The following USP40 variants were observed in gnomAD, a reference collection of about 807,000 sequenced individuals.
USP40 encodes ubiquitin specific peptidase 40.
USP40 carries 143 observed loss-of-function variants against 166.2 expected under a neutral mutation model. The ratio of observed to expected loss-of-function variants is 0.86; its 90% confidence interval spans 0.75 to 0.99. The LOEUF (loss-of-function observed/expected upper bound fraction) is 0.99. USP40 is among the 50% of genes least tolerant of loss of function. The pLI is 0.00. For missense variants in USP40, 1,444 were observed against 1,479.7 expected (o/e 0.98, Z 0.40); for synonymous variants, 498 against 524.0 (o/e 0.95, Z 0.68).
rs1385470872 is a variant in USP40, at chr2:233,556,739, A to G, written c.546+116T>C. ...TGTAGTTAGAAGAAAAAAAAACTCA[A>G]TAAATTACTTTTAGTAATAAACACT... On this transcript the variant is annotated intron_variant, in intron 5 of 31. Transcript: ENST00000678225. 8 of 1,024,624 alleles carry G rather than the reference A, an allele frequency of 7.8e-6. 1 individual carries two copies. Among genetic ancestry groups the G allele is most frequent in the South Asian group, 5.8e-5 (2 of 34,560 alleles). The allele number at this position is 1,024,624 out of a possible 1,614,324, so 63.5% of individuals were successfully genotyped here.
At position 233,493,304 on chromosome 2, in the gene USP40, G is replaced by C; in HGVS notation, c.2917+121C>G. On this transcript the variant is annotated intron_variant, in intron 25 of 31. Coordinates refer to ENST00000678225, the MANE Select transcript of USP40 (RefSeq NM_001365479.2). This position sits in a 1 kb window ranked among gnomAD's most constrained non-coding sequence, Gnocchi z 4.7. ...CTGGAATGACTTATGAAATTAATAG[G>C]TCTTGATTTTCAAGATCTTACGTTT... 1 of 1,349,920 alleles carries C rather than the reference G, an allele frequency of 7.4e-7. No individual in the cohort carries two copies. The highest frequency in any genetic ancestry group is 1.0e-6 in the Non-Finnish European group (1 of 973,898). The allele number at this position is 1,349,920 out of a possible 1,614,324, so 83.6% of individuals were successfully genotyped here. A position where few individuals can be genotyped will look rare whatever the true frequency, so the allele number is the denominator to read the frequency against.
chr2:233,516,480 G>C (rs993212489), intron 18 of USP40, among the ~76,000 whole-genome samples: 1 of 152,002 alleles, frequency 6.6e-6, no homozygotes, highest in African/African-American at 2.4e-5. Context: ...GGCGGATCAC[G>C]AGGTCAGCAG....
At chr2:233,529,672 T>C (rs1431176537) in intron 11 of USP40, among the ~76,000 whole-genome samples, 160 bp from the exon 12 acceptor site, 2 of 152,146 alleles carry the variant, frequency 1.3e-5, no homozygotes, top group South Asian at 2.1e-4. Flanking sequence ...TTTTCCCATC[T>C]GAAAAATGAA....
At chr2:233,479,629 G>A (rs918376838) in intron 31 of USP40, among the ~76,000 whole-genome samples, 14 of 62,590 alleles carry the variant, frequency 2.2e-4, no homozygotes, top group Admixed American at 1.9e-3. Context: ...AGAATTTTAC[G>A]TGTGTGTGTG....
rs773921869 is a variant in USP40, at chr2:233,533,616, G to A, written c.1334C>T (p.Ser445Phe). Residue 445 changes from serine (S) to phenylalanine (F), a missense_variant, in exon 11 of 32, where the codon TCC (serine) becomes TTC (phenylalanine). Coordinates refer to ENST00000678225, the MANE Select transcript of USP40 (RefSeq NM_001365479.2). ...ATTTATATCAAACCAGTGGGGACAG[G>A]AGATGCTATTGTTTAAACCTGGGGA... The part of the protein sequence containing the change: ...PESPGLNNSI[S>F]CPHWFDINDS... 6.2e-7 allele frequency: 1 copy of A among 1,613,796 alleles called. No individual in the cohort carries two copies. The highest frequency in any genetic ancestry group is 8.5e-7 in the Non-Finnish European group (1 of 1,179,798).
intron 23 of USP40, among the ~76,000 whole-genome samples, chr2:233,497,245 T>G (rs919769309): frequency 6.6e-5 from 10 of 152,170 alleles, no homozygotes; most frequent in Non-Finnish European, 1.2e-4. Context: ...AAAGCCACAC[T>G]GATTCGAGTG....
chr2:233,494,977 T>TAC (rs1167899874), intron 24 of USP40, among the ~76,000 whole-genome samples: 17 of 96,710 alleles, frequency 1.8e-4, no homozygotes, highest in African/African-American at 7.7e-4. Context: ...TATATATATA[T>TAC]ATACACACAC....
Position 233,480,298 on chromosome 2 carries a change from C to G in USP40, c.3599+905G>C, listed in dbSNP as rs899597493. 1.3e-5 allele frequency among the ~76,000 whole-genome samples: 2 copies of G among 152,198 alleles called. No individual in the cohort carries two copies. The highest frequency in any genetic ancestry group is 4.8e-5 in the African/African-American group (2 of 41,434). ...TTGGGCAGGGAAAGATGAAATCCAC[C>G]AGGGCAGAAGCAGTCAGAATAGGAC... On this transcript the variant is annotated intron_variant, in intron 31 of 31. Transcript: ENST00000678225. This position sits in a 1 kb window ranked among gnomAD's most constrained non-coding sequence, Gnocchi z 4.5.
intron 3 of USP40, chr2:233,560,771 G>C (rs954981060): frequency 1.9e-5 from 8 of 425,088 alleles, no homozygotes; most frequent in African/African-American, 1.6e-4. Context: ...TATTTCCAGA[G>C]TACCAAATTG....
In USP40 at chr2:233,485,958, T is replaced by C; in HGVS notation, c.3217A>G (p.Arg1073Gly). ...TCACCAGGGATGCGCACCTGTGTCCTCAGCAGCACGTCCTGGGGGCTGTAC... is the reference window on the plus strand; with the variant it reads ...TCACCAGGGATGCGCACCTGTGTCCCCAGCAGCACGTCCTGGGGGCTGTAC... ...ENLGPQDVLL[R>G]TQVRIPGERT... is the part of the protein sequence containing the mutation. The change falls in exon 29 of 32, where the codon AGG becomes GGG. Residue 1073 changes from arginine to glycine, a missense_variant. By Grantham distance (125) the Arg-to-Gly change is moderately radical. Coordinates refer to ENST00000678225, the MANE Select transcript of USP40 (RefSeq NM_001365479.2). The C allele has an allele frequency of 6.3e-7, 1 of 1,585,372 alleles. No individual in the cohort carries two copies. Among genetic ancestry groups the C allele is most frequent in the African/African-American group, 1.4e-5 (1 of 73,940 alleles).
At chr2:233,549,067 G>A in intron 8 of USP40, 34 bp downstream of exon 8, 1 of 1,561,968 alleles carries the variant, frequency 6.4e-7, no homozygotes, top group South Asian at 1.2e-5. Flanking sequence ...AAAAGAAATT[G>A]CAAAGATATT....
At chr2:233,531,457 A>C (rs2068518285) in intron 11 of USP40, among the ~76,000 whole-genome samples, 1 of 152,160 alleles carries the variant, frequency 6.6e-6, no homozygotes, top group African/African-American at 2.4e-5. Context: ...GAAAACTGTC[A>C]TTTACATATT....
rs75826203 is a variant in USP40 at position 233,540,140 on chromosome 2, C to A, written c.1170+522G>T. ...CCTCAACTCAAAAAAAAAAAAAAAA[C>A]AAAAAACAAACCAAAAAAAAACTTG... On this transcript the variant is annotated intron_variant, in intron 10 of 31. Coordinates refer to ENST00000678225, the MANE Select transcript of USP40 (RefSeq NM_001365479.2). Among the ~76,000 whole-genome samples the A allele has an allele frequency of 9.2e-3, 1,279 of 138,456 alleles. 18 individuals carry two copies. The highest frequency in any genetic ancestry group is 0.028 in the African/African-American group (1,064 of 37,452). 90.8% of individuals were successfully genotyped at this position (138,456 alleles called of 152,430 possible).
intron 26 of USP40, among the ~76,000 whole-genome samples, chr2:233,490,555 A>G (rs756998972): frequency 1.3e-5 from 2 of 152,160 alleles, no homozygotes; most frequent in Non-Finnish European, 2.9e-5. Flanking sequence ...AGTCATATAT[A>G]GGCCCCACAT....
chr2:233,565,996 C>T (rs921710955), intron 1 of USP40, among the ~76,000 whole-genome samples: 2 of 152,142 alleles, frequency 1.3e-5, no homozygotes, highest in Non-Finnish European at 2.9e-5. Flanking sequence ...CAAAGCCAAC[C>T]CTAAATTCTG....
At chr2:233,489,328 C>A (rs747943635) in intron 27 of USP40, 37 bp downstream of exon 27, 1 of 1,527,476 alleles carries the variant, frequency 6.5e-7, no homozygotes, top group Non-Finnish European at 8.9e-7. Context: ...GCGTCAGCAG[C>A]AGAGAGGGAC....
At chr2:233,533,885 T>A in intron 10 of USP40, 106 bp from the exon 11 acceptor site, 2 of 1,193,946 alleles carry the variant, frequency 1.7e-6, no homozygotes, top group Non-Finnish European at 2.3e-6. Context: ...TTTAACTTCA[T>A]CTTTATTTCT....
rs774512746 is a variant in USP40, at chr2:233,556,985, C to T, written c.416G>A (p.Arg139Gln). The T allele has an allele frequency of 3.2e-5, 51 of 1,613,588 alleles. No homozygotes were observed. The highest frequency in any genetic ancestry group is 4.2e-5 in the Non-Finnish European group (50 of 1,179,782). The change falls in exon 5 of 32, where the codon CGA (arginine) becomes CAA (glutamine). Residue 139 changes from arginine (R) to glutamine (Q), a missense_variant. Physicochemically the swap from Arg to Gln is conservative, Grantham distance 43. Coordinates refer to ENST00000678225, the MANE Select transcript of USP40 (RefSeq NM_001365479.2). Reference sequence around the variant, plus strand: ...AGTTTCCAAAGCGCTGAAGAGGATTCGATTCAGTTCCTGCACATCATGTTG... The same window carrying T: ...AGTTTCCAAAGCGCTGAAGAGGATTTGATTCAGTTCCTGCACATCATGTTG... Reference protein sequence around the residue: ...MRQHDVQELNRILFSALETSL... With the variant: ...MRQHDVQELNQILFSALETSL...
At chr2:233,508,035 A>G (rs2066550495) in intron 21 of USP40, among the ~76,000 whole-genome samples, 2 of 152,084 alleles carry the variant, frequency 1.3e-5, no homozygotes, top group Non-Finnish European at 2.9e-5. Context: ...GGGATGCTCA[A>G]CTCATATTGC....
Sources: gnomAD v4.1 joint callset for allele counts (sites outside exome capture counted in the v4.1 genomes callset) on GRCh38, gnomAD v4.1.1 for gene constraint, Gnocchi (gnomAD v3.1) non-coding constraint, MANE v1.5 for transcripts, NCBI Gene and HGNC (gene_info 2026-07-23, HGNC 2026-07-21) for gene names.